The following CSMD1 variants were observed in gnomAD, a reference collection of about 807,000 sequenced individuals.
The protein encoded by CSMD1 is CUB and Sushi multiple domains 1, also known as CUB and sushi domain-containing protein 1.
A neutral mutation model predicts 417.5 loss-of-function variants in CSMD1; 213 were observed. The ratio of observed to expected loss-of-function variants is 0.51; its 90% CI spans 0.46 to 0.57. CSMD1 has a LOEUF of 0.57. Ranked by LOEUF, CSMD1 falls within the 20% of genes least tolerant of loss-of-function variation. The probability of loss-of-function intolerance (pLI) is 0.00; values close to 1 mark genes in which losing one functional copy is unlikely to be tolerated. For missense variants in CSMD1, 6,923 were observed against 4,529.7 expected, an observed-to-expected ratio of 1.53 and a Z score of -15.17; for synonymous variants, 2,862 against 1,736.8, an observed-to-expected ratio of 1.65 and a Z score of -16.11.
chr8:3,693,798 G>A (rs55766793), intron 7 of CSMD1, among the ~76,000 whole-genome samples: 12 of 150,926 alleles, frequency 8.0e-5, no homozygotes, highest in African/African-American at 2.9e-4. Context: ...TGTTGGCGTC[G>A]TGTGTGTGTG....
intron 5 of CSMD1, among the ~76,000 whole-genome samples, chr8:3,787,131 G>C (rs1404201807): frequency 1.3e-5 from 2 of 152,090 alleles, no homozygotes; most frequent in African/African-American, 2.4e-5. Context: ...AGGAAGGGTA[G>C]TCAAAACATA....
intron 1 of CSMD1, among the ~76,000 whole-genome samples, chr8:4,676,702 G>C (rs940621925): frequency 6.6e-6 from 1 of 151,840 alleles, no homozygotes; most frequent in African/African-American, 2.4e-5. Context: ...TCAATGTCAC[G>C]TCATAGTTTG....
intron 10 of CSMD1, among the ~76,000 whole-genome samples, chr8:3,511,785 A>G (rs924213822): frequency 6.7e-6 from 1 of 150,332 alleles, no homozygotes; most frequent in Admixed American, 6.6e-5. Context: ...AACATAACAT[A>G]ACATAACATA....
intron 3 of CSMD1, among the ~76,000 whole-genome samples, chr8:4,099,511 C>T (rs185624282): frequency 4.3e-4 from 66 of 152,128 alleles, no homozygotes; most frequent in African/African-American, 1.3e-3. Flanking sequence ...CTGTTCACTA[C>T]GGATTGTGCC....
At chr8:4,354,854 G>T (rs1472924949) in intron 3 of CSMD1, among the ~76,000 whole-genome samples, 1 of 142,150 alleles carries the variant, frequency 7.0e-6, no homozygotes, top group Non-Finnish European at 1.5e-5. Context: ...GCAGGTAAAT[G>T]AGGAAAATGT....
At chr8:4,165,813 C>A (rs1443270507) in intron 3 of CSMD1, among the ~76,000 whole-genome samples, 2 of 152,238 alleles carry the variant, frequency 1.3e-5, no homozygotes, top group Non-Finnish European at 2.9e-5. Flanking sequence ...TTATGTCACT[C>A]TTACTAGGTT....
chr8:4,194,229 C>G (rs73658461), intron 3 of CSMD1, among the ~76,000 whole-genome samples: 2 of 152,106 alleles, frequency 1.3e-5, no homozygotes, highest in African/African-American at 2.4e-5. Context: ...GCAATCAACA[C>G]TGCTGCTTTT....
At chr8:4,929,544 C>T (rs1357512036) in intron 1 of CSMD1, among the ~76,000 whole-genome samples, 2 of 152,180 alleles carry the variant, frequency 1.3e-5, no homozygotes, top group South Asian at 4.1e-4. Flanking sequence ...AGGTAACACT[C>T]ACCTCAGTGT....
At chr8:4,793,019 T>C (rs1260051314) in intron 1 of CSMD1, among the ~76,000 whole-genome samples, 1 of 151,746 alleles carries the variant, frequency 6.6e-6, no homozygotes, top group Non-Finnish European at 1.5e-5. Context: ...TCCACACACA[T>C]ACATAAGCCA....
At chr8:3,814,139 G>A (rs1801239976) in intron 5 of CSMD1, among the ~76,000 whole-genome samples, 1 of 152,188 alleles carries the variant, frequency 6.6e-6, no homozygotes, top group African/African-American at 2.4e-5. Flanking sequence ...TACCAGCTCA[G>A]CCCCAGATTC....
intron 3 of CSMD1, among the ~76,000 whole-genome samples, chr8:4,184,514 T>C (rs1358477691): frequency 2.0e-5 from 3 of 152,050 alleles, no homozygotes; most frequent in African/African-American, 7.2e-5. Flanking sequence ...GTATACACCA[T>C]GGAATACTAT....
intron 4 of CSMD1, among the ~76,000 whole-genome samples, chr8:4,023,138 G>C (rs992848868): frequency 2.0e-5 from 3 of 152,120 alleles, no homozygotes; most frequent in Non-Finnish European, 4.4e-5. Context: ...CTAATGTGTG[G>C]AGGAACTGCC....
In CSMD1 at chr8:4,748,726, A is replaced by G. The variant is rs531662709; in HGVS notation, c.86-111168T>C. On this transcript the variant is annotated intron_variant, in intron 1 of 69. Transcript: ENST00000635120. ...CCTGAGTTGCAGATATTCAAAGAATACTCAAAGTAAAATGCATTTTTACAG... is the reference window on the plus strand; with the variant it reads ...CCTGAGTTGCAGATATTCAAAGAATGCTCAAAGTAAAATGCATTTTTACAG... Among the ~76,000 whole-genome samples the G allele has an allele frequency of 7.2e-5, 11 of 152,380 alleles. No individual in the cohort carries two copies. The East Asian group carries it at 1.9e-3, about 27-fold the overall frequency.
intron 5 of CSMD1, among the ~76,000 whole-genome samples, chr8:3,932,670 G>A (rs539673672): frequency 6.6e-6 from 1 of 150,474 alleles, no homozygotes; most frequent in Non-Finnish European, 1.5e-5. Flanking sequence ...CAAAAAGCCG[G>A]TCCAATAAAC....
chr8:4,569,356 G>C (rs995779644), intron 2 of CSMD1, among the ~76,000 whole-genome samples: 1 of 152,068 alleles, frequency 6.6e-6, no homozygotes, highest in South Asian at 2.1e-4. Context: ...ACAGTTTTCT[G>C]CATATGGCTA....
At chr8:3,736,998 G>C (rs1349226129) in intron 6 of CSMD1, among the ~76,000 whole-genome samples, 3 of 152,140 alleles carry the variant, frequency 2.0e-5, no homozygotes, top group Non-Finnish European at 2.9e-5. Context: ...TGATACACAG[G>C]TGACATTCAG....
At chr8:3,594,067 C>A (rs1176967633) in intron 8 of CSMD1, among the ~76,000 whole-genome samples, 2 of 152,134 alleles carry the variant, frequency 1.3e-5, no homozygotes, top group Non-Finnish European at 2.9e-5. Context: ...AAAAACCAAC[C>A]AGAACACCTC....
In CSMD1 at chr8:2,938,621, A is replaced by C; in HGVS notation, c.10659T>G (p.Phe3553Leu). 6.2e-7 allele frequency: 1 copy of C among 1,612,370 alleles called. No individual in the cohort carries two copies. Among genetic ancestry groups the C allele is most frequent in the Non-Finnish European group, 8.5e-7 (1 of 1,179,274 alleles). Residue 3553 changes from phenylalanine (F) to leucine (L), a missense_variant, in exon 70 of 70, where the codon TTT (phenylalanine) becomes TTG (leucine). Physicochemically the swap from Phe to Leu is conservative, Grantham distance 22. Transcript: ENST00000635120. ...TACAGACTGTGTTCAGAGTTGTGTC[A>C]AACCTCACAGCCTTGGCTTCTGTGG... ...LKPTEAKAVR[F>L]DTTLNTVCTV...
chr8:3,279,377 C>T (rs1021497027), intron 26 of CSMD1, among the ~76,000 whole-genome samples: 3 of 152,180 alleles, frequency 2.0e-5, no homozygotes, highest in Non-Finnish European at 4.4e-5. Context: ...AACTCGAATG[C>T]ATGGGAGCTA....
Sources: allele counts gnomAD v4.1 joint callset (sites outside exome capture counted in the v4.1 genomes callset), GRCh38; gene constraint gnomAD v4.1.1; transcripts MANE v1.5; gene names NCBI Gene and HGNC (gene_info 2026-07-23, HGNC 2026-07-21).